Variants in RSPH1 observed in about 807,000 individuals in gnomAD.
RSPH1 encodes the protein radial spoke head component 1, also known as radial spoke head 1 homolog.
RSPH1 carries 32 observed loss-of-function variants against 44.2 expected under a neutral mutation model. The ratio of observed to expected loss-of-function variants is 0.72; its 90% CI spans 0.55 to 0.97. The LOEUF (loss-of-function observed/expected upper bound fraction) is 0.97. Ranked by LOEUF, RSPH1 falls within the 50% of genes least tolerant of loss-of-function variation. RSPH1 has a pLI of 0.00. For synonymous variants in RSPH1, 134 were observed against 147.3 expected (o/e 0.91, Z 0.65); for missense variants, 391 against 398.7 (o/e 0.98, Z 0.16).
chr21:42,493,364 G>A (rs1195619622), intron 1 of RSPH1, among the ~76,000 whole-genome samples: 1 of 152,196 alleles, frequency 6.6e-6, no homozygotes, highest in African/African-American at 2.4e-5. Flanking sequence ...CCTTTACCCT[G>A]TAAGCAAGGT....
chr21:42,483,798 T>C (rs2054153692), intron 5 of RSPH1, among the ~76,000 whole-genome samples: 1 of 152,328 alleles, frequency 6.6e-6, no homozygotes, highest in African/African-American at 2.4e-5. Context: ...TTTAAATCTT[T>C]ACTTCTTCTA....
At chr21:42,479,726 TACACACACAC>T (rs141751119) in intron 6 of RSPH1, among the ~76,000 whole-genome samples, 26 of 145,236 alleles carry the variant, frequency 1.8e-4, no homozygotes, top group African/African-American at 3.1e-4. Flanking sequence ...TGTAGGAGGT[TACACACACAC>T]ACACACACAC....
intron 6 of RSPH1, among the ~76,000 whole-genome samples, chr21:42,478,847 C>G (rs1892611358): frequency 6.6e-6 from 1 of 152,136 alleles, no homozygotes; most frequent in Admixed American, 6.5e-5. Flanking sequence ...AAACGTCGTG[C>G]TAAATGAAAG....
At chr21:42,483,768 T>C (rs945735525) in intron 5 of RSPH1, among the ~76,000 whole-genome samples, 7 of 152,200 alleles carry the variant, frequency 4.6e-5, no homozygotes, top group Non-Finnish European at 8.8e-5. Flanking sequence ...ACATTTTTTT[T>C]CTATATTTCC....
intron 6 of RSPH1, 67 bp from the exon 7 acceptor site, chr21:42,477,511 G>A (rs1178141105): frequency 5.2e-6 from 8 of 1,538,178 alleles, no homozygotes; most frequent in Admixed American, 1.7e-5. Flanking sequence ...TATTAAAAGT[G>A]AGGGAGGAAG....
intron 7 of RSPH1, among the ~76,000 whole-genome samples, chr21:42,476,920 G>C (rs769208452): frequency 4.6e-5 from 7 of 152,118 alleles, no homozygotes; most frequent in Non-Finnish European, 8.8e-5. Context: ...CTGAAAACAG[G>C]ATGTCCACAA....
At chr21:42,485,332 A>G in intron 5 of RSPH1, 1 of 251,858 alleles carries the variant, frequency 4.0e-6, no homozygotes, top group East Asian at 9.7e-5. Flanking sequence ...TGCAGGAAAT[A>G]GATATTTGGT....
At chr21:42,476,087 A>C in intron 7 of RSPH1, 40 bp from the exon 8 acceptor site, 1 of 1,611,560 alleles carries the variant, frequency 6.2e-7, no homozygotes, top group Non-Finnish European at 8.5e-7. Flanking sequence ...GTTCCTGGGA[A>C]AAATGGAGCC....
chr21:42,491,861 G>C (rs2054239458), intron 3 of RSPH1, among the ~76,000 whole-genome samples: 2 of 152,192 alleles, frequency 1.3e-5, no homozygotes, highest in African/African-American at 4.8e-5. Flanking sequence ...CCTAGCCCCA[G>C]TTACTGAGTG....
chr21:42,476,718 C>G (rs1196094238), intron 7 of RSPH1, among the ~76,000 whole-genome samples: 3 of 152,098 alleles, frequency 2.0e-5, no homozygotes, highest in Non-Finnish European at 2.9e-5. Context: ...CCCCGAGACG[C>G]CACAGTGCTC....
chr21:42,476,075 G>A (rs995295774), intron 7 of RSPH1, 28 bp from the exon 8 acceptor site: 1 of 1,612,878 alleles, frequency 6.2e-7, no homozygotes. Flanking sequence ...TCAGAAGCCT[G>A]AGTTCCTGGG....
intron 5 of RSPH1, among the ~76,000 whole-genome samples, chr21:42,482,989 G>A (rs924842804): frequency 6.6e-6 from 1 of 152,168 alleles, no homozygotes; most frequent in African/African-American, 2.4e-5. Context: ...ACTAGCTACC[G>A]ATGGAACTAC....
At chr21:42,488,987 AGTTGGTTGGTTG>A (rs71332366) in intron 3 of RSPH1, among the ~76,000 whole-genome samples, 1 of 151,232 alleles carries the variant, frequency 6.6e-6, no homozygotes, top group African/African-American at 2.4e-5. Context: ...AGTAACTCCC[AGTTGGTTGGTTG>A]GTTGGTTGGT....
Position 42,472,844 on chromosome 21 carries a change from T to TTTC in RSPH1, c.901_903dup (p.Glu301dup). On this transcript the variant is annotated inframe_insertion, in exon 9 of 9. Transcript: ENST00000291536. ...TAGTCCTGGAGGTCTGACTGTCTAG[T>TTTC]TTCTTCTTCTTCAGAATTAATGTTT... 3 of 1,609,570 alleles carry TTTC rather than the reference T, an allele frequency of 1.9e-6. No homozygotes were observed. The South Asian group carries it at 3.3e-5, about 18-fold the overall frequency.
intron 3 of RSPH1, among the ~76,000 whole-genome samples, chr21:42,491,146 T>C (rs1292768807): frequency 6.6e-6 from 1 of 152,150 alleles, no homozygotes; most frequent in Non-Finnish European, 1.5e-5. Flanking sequence ...CAAACCTGAG[T>C]AGGGTGTTGT....
Position 42,472,843 on chromosome 21 carries a change from G to A in RSPH1, c.905C>T (p.Thr302Ile), listed in dbSNP as rs1453986380. The change falls in exon 9 of 9, where the codon ACT (threonine) becomes ATT (isoleucine). Residue 302 changes from threonine (T) to isoleucine (I), a missense_variant. Physicochemically the swap from Thr to Ile is moderately conservative, Grantham distance 89 (BLOSUM62 -1). Coordinates refer to ENST00000291536, the MANE Select transcript of RSPH1 (RefSeq NM_080860.4). ...TTAGTCCTGGAGGTCTGACTGTCTA[G>A]TTTCTTCTTCTTCAGAATTAATGTT... ...EGNINSEEEE[T>I]RQSDLQD 1.2e-6 allele frequency: 2 copies of A among 1,609,404 alleles called. No homozygotes were observed. The highest frequency in any genetic ancestry group is 1.7e-6 in the Non-Finnish European group (2 of 1,175,924).
At chr21:42,480,129 T>C (rs2054111194) in intron 6 of RSPH1, among the ~76,000 whole-genome samples, 1 of 152,120 alleles carries the variant, frequency 6.6e-6, no homozygotes, top group Non-Finnish European at 1.5e-5. Flanking sequence ...CAGAGTGATG[T>C]GCAGAAAGTA....
In RSPH1 at chr21:42,476,125, CT is replaced by C. The variant is rs552457851; in HGVS notation, c.728-79del. 906 of 1,482,384 alleles carry C rather than the reference CT, an allele frequency of 6.1e-4. 2 individuals carry two copies. In the African/African-American group the frequency reaches 0.011, roughly 19 times the overall value. 91.8% of individuals were successfully genotyped at this position (1,482,384 alleles called of 1,614,324 possible). A position where few individuals can be genotyped will look rare whatever the true frequency, so the allele number is the denominator to read the frequency against. Reference sequence around the variant, plus strand: ...CAGACCTGTGCAGGGCAGCTGTCCCCTGGGCTGCCGTGCCCCCACCCTCCCC... The same window carrying C: ...CAGACCTGTGCAGGGCAGCTGTCCCCGGGCTGCCGTGCCCCCACCCTCCCC... On this transcript the variant is annotated intron_variant, in intron 7 of 8. Transcript: ENST00000291536.
intron 6 of RSPH1, among the ~76,000 whole-genome samples, chr21:42,478,191 T>G (rs1445621829): frequency 6.6e-6 from 1 of 152,262 alleles, no homozygotes; most frequent in African/African-American, 2.4e-5. Flanking sequence ...ATCACAAAAT[T>G]CCAAAGATCT....
Sources: gnomAD v4.1 joint callset for allele counts (sites outside exome capture counted in the v4.1 genomes callset) on GRCh38, gnomAD v4.1.1 for gene constraint, MANE v1.5 for transcripts, NCBI Gene and HGNC (gene_info 2026-07-23, HGNC 2026-07-21) for gene names.